ARSD: variants seen among roughly 807,000 people sequenced by gnomAD.
The protein encoded by ARSD is arylsulfatase D, also known as testis tissue sperm-binding protein Li 39a.
ARSD carries 21 observed loss-of-function variants against 32.6 expected under a neutral mutation model. The observed-to-expected ratio is 0.64, with a 90% confidence interval of 0.46 to 0.93. The LOEUF is 0.93. Ranked by LOEUF, ARSD falls within the 40% of genes least tolerant of loss-of-function variation. ARSD has a pLI of 0.00. For synonymous variants in ARSD, 224 were observed against 237.4 expected (o/e 0.94, Z 0.52); for missense variants, 454 against 520.9 (o/e 0.87, Z 1.25).
chrX:2,913,891 G>T, intron 6 of ARSD: 1 of 330,699 alleles, frequency 3.0e-6, no homozygotes, highest in Non-Finnish European at 4.2e-6. Flanking sequence ...GGAGGGAGTA[G>T]CTTCTCACGA....
At chrX:2,923,389 G>C in intron 2 of ARSD, 1 of 158,373 alleles carries the variant, frequency 6.3e-6, no homozygotes, top group Non-Finnish European at 1.2e-5. Flanking sequence ...TGAGAGCCTA[G>C]GAGATGGAGG....
At chrX:2,919,810 CGTGTTGTTGA>C (rs2147323685) in intron 4 of ARSD, among the ~76,000 whole-genome samples, 1 of 82,357 alleles carries the variant, frequency 1.2e-5, no homozygotes, top group African/African-American at 4.7e-5. Flanking sequence ...GCATTCCTTG[CGTGTTGTTGA>C]AACTCATTTC....
chrX:2,919,261 G>A (rs1214306576), intron 4 of ARSD, among the ~76,000 whole-genome samples: 3 of 103,280 alleles, frequency 2.9e-5, no homozygotes, highest in Non-Finnish European at 5.9e-5. Context: ...GGGTGTTGCG[G>A]CTCCTGTGAA....
Position 2,929,149 on chromosome X carries a change from G to A in ARSD, c.44+83C>T, listed in dbSNP as rs762858551. ...TTACAGGGGCCCAGGCTCGCCCGGG[G>A]CGCCCCTCGCCGTGCTCGCGACCCC... On this transcript the variant is annotated intron_variant, in intron 1 of 9. Transcript: ENST00000381154. The A allele has an allele frequency of 2.0e-3, 1,775 of 897,608 alleles. 5 individuals carry two copies. Among genetic ancestry groups the A allele is most frequent in the Non-Finnish European group, 2.1e-3 (1,464 of 708,047 alleles). The allele number at this position is 897,608 out of a possible 1,213,427, so 74.0% of individuals were successfully genotyped here.
Position 2,923,717 on chromosome X carries a change from T to G in ARSD, c.195-1693A>C, listed in dbSNP as rs369697975. Among the ~76,000 whole-genome samples the G allele has an allele frequency of 1.9e-4, 21 of 111,685 alleles. 1 individual carries two copies. Among genetic ancestry groups the G allele is most frequent in the South Asian group, 1.5e-3 (4 of 2,593 alleles). ...CAGGGCCCACCCTAGTGACCTCATT[T>G]TACCTGAATCACGTCTCTAAAGACT... On this transcript the variant is annotated intron_variant, in intron 2 of 9. Transcript: ENST00000381154.
chrX:2,920,923 A>C (rs755120842), intron 3 of ARSD, among the ~76,000 whole-genome samples, 200 bp from the exon 4 acceptor site: 8 of 111,410 alleles, frequency 7.2e-5, no homozygotes, highest in Non-Finnish European at 1.5e-4. Flanking sequence ...CTACATACCT[A>C]CCTACCTACC....
rs1471429032 is a variant in ARSD, at chrX:2,929,287, G to A, written c.-12C>T. 5 of 998,122 alleles carry A rather than the reference G, an allele frequency of 5.0e-6. No homozygotes were observed. Among genetic ancestry groups the A allele is most frequent in the African/African-American group, 2.0e-5 (1 of 49,325 alleles). 82.3% of individuals were successfully genotyped at this position (998,122 alleles called of 1,213,427 possible). A position where few individuals can be genotyped will look rare whatever the true frequency, so the allele number is the denominator to read the frequency against. On this transcript the variant is annotated 5_prime_UTR_variant, in exon 1 of 10. Transcript: ENST00000381154. ...GCGGCGGATCGCATGGCCGAGCGCT[G>A]GCCCAGAGCGCAGGACCTTGCCCTG...
rs963875004 is a variant in ARSD at position 2,905,383 on chromosome X, T to C, written c.*1888A>G. The C allele has an allele frequency of 6.4e-6, 1 of 155,303 alleles. No homozygotes were observed. The highest frequency in any genetic ancestry group is 3.1e-5 in the African/African-American group (1 of 31,778). The allele number at this position is 155,303 out of a possible 1,213,427, so 12.8% of individuals were successfully genotyped here. A position where few individuals can be genotyped will look rare whatever the true frequency, so the allele number is the denominator to read the frequency against. ...GTGCAAGGTCCTCCCATCCCCAGTA[T>C]TGGGATCTAGGGGCAGGGGGTCCCA... is the stretch of plus-strand genomic sequence containing the variant. On this transcript the variant is annotated 3_prime_UTR_variant, in exon 10 of 10. Coordinates refer to ENST00000381154, the MANE Select transcript of ARSD (RefSeq NM_001669.4).
intron 6 of ARSD, among the ~76,000 whole-genome samples, chrX:2,912,393 C>T (rs1339980915): frequency 9.0e-6 from 1 of 111,276 alleles, no homozygotes; most frequent in Non-Finnish European, 1.9e-5. Context: ...CCTTTCTGCA[C>T]TGAACCAAGG....
intron 2 of ARSD, among the ~76,000 whole-genome samples, chrX:2,924,248 G>A (rs945475799): frequency 8.8e-6 from 1 of 113,192 alleles, no homozygotes; most frequent in African/African-American, 3.2e-5. Context: ...TGCCCAAGCT[G>A]GTCTCAAACT....
Position 2,929,243 on chromosome X carries a change from C to A in ARSD, c.33G>T (p.Ala11=), listed in dbSNP as rs1488815775. MRSAARRGRA[A]PAARDSLPVL... The stretch of plus-strand genomic sequence containing the variant: ...GGGGTCCCAGGCACCTGGCGGCGGG[C>A]GCGGCGCGTCCCCTCCGCGCGGCGG... The change falls in exon 1 of 10, where the codon GCG becomes GCT. Residue 11 remains alanine, a synonymous_variant. Coordinates refer to ENST00000381154, the MANE Select transcript of ARSD (RefSeq NM_001669.4). The A allele has an allele frequency of 9.6e-7, 1 of 1,036,394 alleles. No individual in the cohort carries two copies. The highest frequency in any genetic ancestry group is 4.5e-5 in the Admixed American group (1 of 22,179). The allele number at this position is 1,036,394 out of a possible 1,213,427, so 85.4% of individuals were successfully genotyped here. A position where few individuals can be genotyped will look rare whatever the true frequency, so the allele number is the denominator to read the frequency against.
At position 2,929,279 on chromosome X, in the gene ARSD, C is replaced by A; in HGVS notation, c.-4G>T. ...CCCTCCGCGCGGCGGATCGCATGGC[C>A]GAGCGCTGGCCCAGAGCGCAGGACC... On this transcript the variant is annotated 5_prime_UTR_variant, in exon 1 of 10. Transcript: ENST00000381154. 9.9e-7 allele frequency: 1 copy of A among 1,009,507 alleles called. No homozygotes were observed. Among genetic ancestry groups the A allele is most frequent in the Non-Finnish European group, 1.2e-6 (1 of 802,116 alleles). 83.2% of individuals were successfully genotyped at this position (1,009,507 alleles called of 1,213,427 possible). A position where few individuals can be genotyped will look rare whatever the true frequency, so the allele number is the denominator to read the frequency against.
intron 3 of ARSD, among the ~76,000 whole-genome samples, chrX:2,921,166 G>T (rs771000222): frequency 9.0e-6 from 1 of 110,905 alleles, no homozygotes; most frequent in South Asian, 3.9e-4. Context: ...GATGACAGAC[G>T]CCATGTGATC....
In ARSD at chrX:2,913,676, G is replaced by A. The variant is rs1017399782; in HGVS notation, c.1000+1880C>T. 2.3e-5 allele frequency: 23 copies of A among 979,957 alleles called. 1 individual carries two copies. The Admixed American group carries it at 3.1e-4, about 13-fold the overall frequency. The allele number at this position is 979,957 out of a possible 1,213,427, so 80.8% of individuals were successfully genotyped here. ...CTCTCTGCATTGTCCGAACTTTATTGCTTTAGTTTCTGTAACTTCTAATGA... is the reference window on the plus strand; with the variant it reads ...CTCTCTGCATTGTCCGAACTTTATTACTTTAGTTTCTGTAACTTCTAATGA... On this transcript the variant is annotated intron_variant, in intron 6 of 9. Transcript: ENST00000381154.
intron 2 of ARSD, among the ~76,000 whole-genome samples, 180 bp from the exon 3 acceptor site, chrX:2,922,204 A>G (rs2089035642): frequency 9.1e-6 from 1 of 110,047 alleles, no homozygotes; most frequent in Admixed American, 9.8e-5. Context: ...TGATGTTGAG[A>G]TGGATGACAT....
chrX:2,907,995 AC>A (rs1335866836), intron 9 of ARSD: 8 of 793,683 alleles, frequency 1.0e-5, no homozygotes, highest in Non-Finnish European at 1.2e-5. Context: ...CTACACAGAA[AC>A]AACCATGATA....
At chrX:2,911,065 A>G (rs988374733) in intron 6 of ARSD, among the ~76,000 whole-genome samples, 2 of 112,358 alleles carry the variant, frequency 1.8e-5, no homozygotes, top group African/African-American at 6.5e-5. Flanking sequence ...AGGCCATTCC[A>G]AAGTTAACCT....
intron 2 of ARSD, among the ~76,000 whole-genome samples, chrX:2,925,034 C>T (rs1341715185): frequency 1.8e-5 from 2 of 112,529 alleles, no homozygotes; most frequent in African/African-American, 6.4e-5. Context: ...TCTCTGAAAA[C>T]GGTCACACCC....
chrX:2,929,272 G>T lies in ARSD; in HGVS notation c.4C>A (p.Arg2=), dbSNP rs978794672. M[R]SAARRGRAAP... ...GCGCGTCCCCTCCGCGCGGCGGATC[G>T]CATGGCCGAGCGCTGGCCCAGAGCG... The change falls in exon 1 of 10, where the codon CGA becomes AGA. Residue 2 remains arginine (R), a synonymous_variant. Coordinates refer to ENST00000381154, the MANE Select transcript of ARSD (RefSeq NM_001669.4). The T allele has an allele frequency of 5.9e-6, 6 of 1,014,737 alleles. No individual in the cohort carries two copies. In the East Asian group the frequency reaches 1.6e-4, roughly 28 times the overall value. The allele number at this position is 1,014,737 out of a possible 1,213,427, so 83.6% of individuals were successfully genotyped here.
Sources: allele counts gnomAD v4.1 joint callset (sites outside exome capture counted in the v4.1 genomes callset), GRCh38; gene constraint gnomAD v4.1.1; transcripts MANE v1.5; gene names NCBI Gene and HGNC (gene_info 2026-07-23, HGNC 2026-07-21).